STARD13: variants seen among roughly 807,000 people sequenced by gnomAD.
The protein encoded by STARD13 is stAR-related lipid transfer protein 13.
A neutral mutation model predicts 106.4 loss-of-function variants in STARD13; 62 were observed. The ratio of observed to expected loss-of-function variants is 0.58; its 90% CI spans 0.48 to 0.72. STARD13 has a LOEUF of 0.72. Ranked by LOEUF, STARD13 falls within the 30% of genes least tolerant of loss-of-function variation. The probability of loss-of-function intolerance (pLI) is 0.00; values close to 1 mark genes in which losing one functional copy is unlikely to be tolerated. For synonymous variants in STARD13, 565 were observed against 553.0 expected (o/e 1.02, Z -0.31); for missense variants, 1,387 against 1,424.0 (o/e 0.97, Z 0.42).
intron 1 of STARD13, among the ~76,000 whole-genome samples, chr13:33,274,441 C>T (rs1003550750): frequency 6.6e-6 from 1 of 152,224 alleles, no homozygotes; most frequent in Admixed American, 6.5e-5. Context: ...CAACTTCCAA[C>T]CTCCAGAACT....
chr13:33,236,649 G>C (rs1889204447), intron 1 of STARD13, among the ~76,000 whole-genome samples: 1 of 152,142 alleles, frequency 6.6e-6, no homozygotes, highest in African/African-American at 2.4e-5. Flanking sequence ...GTGGATACAG[G>C]GGAAGAGCAA....
At chr13:33,268,842 A>G (rs1309761010) in intron 1 of STARD13, among the ~76,000 whole-genome samples, 1 of 152,232 alleles carries the variant, frequency 6.6e-6, no homozygotes, top group Non-Finnish European at 1.5e-5. Context: ...AAACATGGTA[A>G]TTTATTTAAG....
At chr13:33,499,604 TTTCTTCTTCTTC>T in the STARD13 span, among the ~76,000 whole-genome samples, 10 of 39,902 alleles carry the variant, frequency 2.5e-4, 2 homozygotes, top group African/African-American at 4.6e-4. Context: ...CTTCTTCTTC[TTTCTTCTTCTTC>T]TTCTTCTTCT....
intron 1 of STARD13, among the ~76,000 whole-genome samples, chr13:33,349,547 G>C (rs1214648757): frequency 6.6e-6 from 1 of 152,204 alleles, no homozygotes; most frequent in Non-Finnish European, 1.5e-5. Flanking sequence ...GTGACACTGG[G>C]AGAGGTACTA....
the STARD13 span, among the ~76,000 whole-genome samples, chr13:33,570,037 C>T: frequency 6.8e-6 from 1 of 147,124 alleles, no homozygotes; most frequent in African/African-American, 2.5e-5. Flanking sequence ...TCCACGTAAC[C>T]AAAGACCATC....
At chr13:33,213,962 G>A (rs1887876916) in intron 1 of STARD13, among the ~76,000 whole-genome samples, 1 of 152,188 alleles carries the variant, frequency 6.6e-6, no homozygotes, top group Non-Finnish European at 1.5e-5. Context: ...AGGTCACGTG[G>A]CAAGGCAGGC....
chr13:33,528,551 G>T, the STARD13 span, among the ~76,000 whole-genome samples: 1 of 151,614 alleles, frequency 6.6e-6, no homozygotes, highest in Admixed American at 6.6e-5. Flanking sequence ...GGGTTTACAG[G>T]CATCAGTCAC....
At chr13:33,425,371 C>A in the STARD13 span, among the ~76,000 whole-genome samples, 1 of 152,184 alleles carries the variant, frequency 6.6e-6, no homozygotes, top group African/African-American at 2.4e-5. Flanking sequence ...TGCTCAACCC[C>A]ATCCCAGGAG....
At chr13:33,513,845 C>T in the STARD13 span, among the ~76,000 whole-genome samples, 10 of 152,138 alleles carry the variant, frequency 6.6e-5, no homozygotes, top group East Asian at 1.9e-3. Flanking sequence ...AATATGTTTC[C>T]CCCATTAATG....
At chr13:33,241,761 C>G (rs1381928574) in intron 1 of STARD13, among the ~76,000 whole-genome samples, 2 of 152,168 alleles carry the variant, frequency 1.3e-5, no homozygotes, top group Admixed American at 1.3e-4. Context: ...GGGCTGGTCT[C>G]CAGCTCCTGA....
chr13:33,240,643 GTTTATCCTTAAGTAT>G (rs1351807365), intron 1 of STARD13, among the ~76,000 whole-genome samples: 2 of 150,896 alleles, frequency 1.3e-5, no homozygotes, highest in African/African-American at 2.4e-5. Flanking sequence ...GGATCCCTAA[GTTTATCCTTAAGTAT>G]TTTATCCTTA....
intron 1 of STARD13, among the ~76,000 whole-genome samples, chr13:33,193,153 C>T (rs1213455059): frequency 6.6e-6 from 1 of 152,186 alleles, no homozygotes; most frequent in East Asian, 1.9e-4. Context: ...AACAATTCCT[C>T]ACATAATTTC....
At chr13:33,573,782 A>C in the STARD13 span, among the ~76,000 whole-genome samples, 1 of 152,172 alleles carries the variant, frequency 6.6e-6, no homozygotes, top group African/African-American at 2.4e-5. Flanking sequence ...TGGATTCAAG[A>C]AGTATCTAGA....
At chr13:33,352,347 G>A (rs1473984816), upstream of STARD13, among the ~76,000 whole-genome samples, 1 of 152,198 alleles carries the variant, frequency 6.6e-6, no homozygotes, top group Non-Finnish European at 1.5e-5. Context: ...CAGGAAAGCT[G>A]TATACTTGAC....
At chr13:33,673,234 T>A in the STARD13 span, among the ~76,000 whole-genome samples, 1 of 152,212 alleles carries the variant, frequency 6.6e-6, no homozygotes, top group African/African-American at 2.4e-5. Flanking sequence ...TCTTACTCCA[T>A]CCTTAGAGGT....
the STARD13 span, among the ~76,000 whole-genome samples, chr13:33,430,142 C>T: frequency 6.6e-6 from 1 of 152,196 alleles, no homozygotes; most frequent in Non-Finnish European, 1.5e-5. Context: ...TGGTCTCGAT[C>T]TCCTGACCTA....
chr13:33,493,382 G>T, the STARD13 span, among the ~76,000 whole-genome samples: 48 of 152,098 alleles, frequency 3.2e-4, no homozygotes, highest in Admixed American at 5.2e-4. Flanking sequence ...AGCTGCTTAC[G>T]CATTTGTCCA....
chr13:33,666,325 G>A, the STARD13 span, among the ~76,000 whole-genome samples: 104 of 152,116 alleles, frequency 6.8e-4, no homozygotes, highest in African/African-American at 2.2e-3. Flanking sequence ...AGAGAGTCTC[G>A]CTCTGTCCCC....
chr13:33,325,983 TAAAA>T (rs59403273), intron 1 of STARD13, among the ~76,000 whole-genome samples: 2 of 96,188 alleles, frequency 2.1e-5, no homozygotes, highest in East Asian at 3.0e-4. Flanking sequence ...AGACTCCGTT[TAAAA>T]AAAAAAAAAA....
Sources: gnomAD v4.1 joint callset for allele counts (sites outside exome capture counted in the v4.1 genomes callset) on GRCh38, gnomAD v4.1.1 for gene constraint, MANE v1.5 for transcripts, NCBI Gene and HGNC (gene_info 2026-07-23, HGNC 2026-07-21) for gene names.